DPP10: variants seen among roughly 807,000 people sequenced by gnomAD.
DPP10 encodes the protein inactive dipeptidyl peptidase 10.
A neutral mutation model predicts 120.9 loss-of-function variants in DPP10; 33 were observed. That is an observed-to-expected ratio of 0.27 (90% CI 0.21 to 0.37). The LOEUF (loss-of-function observed/expected upper bound fraction) is 0.37, where lower values mean the gene tolerates loss of function less well. Ranked by LOEUF, DPP10 falls within the 10% of genes least tolerant of loss-of-function variation. The pLI, the probability that DPP10 is intolerant of heterozygous loss-of-function variation, is 1.00. For synonymous variants in DPP10, 337 were observed against 326.1 expected, an observed-to-expected ratio of 1.03 and a Z score of -0.36; for missense variants, 816 against 942.8, an observed-to-expected ratio of 0.87 and a Z score of 1.76.
At chr2:115,065,364 T>C (rs779457077) in intron 1 of DPP10, among the ~76,000 whole-genome samples, 34 of 152,168 alleles carry the variant, frequency 2.2e-4, no homozygotes, top group Non-Finnish European at 4.0e-4. Flanking sequence ...GCCCATCTGT[T>C]CCAGTAATCA....
At chr2:115,428,829 A>G (rs185226128) in intron 3 of DPP10, among the ~76,000 whole-genome samples, 1 of 152,314 alleles carries the variant, frequency 6.6e-6, no homozygotes, top group East Asian at 1.9e-4. Flanking sequence ...AGACTGGGTT[A>G]TTTATAACCT....
chr2:114,937,172 A>T (rs1437814941), intron 1 of DPP10, among the ~76,000 whole-genome samples: 1 of 152,126 alleles, frequency 6.6e-6, no homozygotes, highest in African/African-American at 2.4e-5. Flanking sequence ...GCCTAAGCCA[A>T]TGTCTAGAAG....
intron 1 of DPP10, among the ~76,000 whole-genome samples, chr2:114,858,501 C>T (rs1689547553): frequency 6.6e-6 from 1 of 152,162 alleles, no homozygotes; most frequent in African/African-American, 2.4e-5. Context: ...TTCTCCTAGC[C>T]AACAGATTTC....
intron 1 of DPP10, chr2:115,144,859 C>T (rs981872991): frequency 2.0e-5 from 3 of 151,618 alleles, no homozygotes; most frequent in Middle Eastern, 3.2e-3. Flanking sequence ...AAGAACTCAC[C>T]CAGTGCAGCT....
chr2:114,543,728 A>C (rs2104819846), intron 1 of DPP10, among the ~76,000 whole-genome samples: 1 of 151,848 alleles, frequency 6.6e-6, no homozygotes, highest in African/African-American at 2.4e-5. Context: ...TGCTGCTTTT[A>C]AACATGGCTG....
chr2:114,895,229 T>G (rs927648802), intron 1 of DPP10, among the ~76,000 whole-genome samples: 10 of 152,188 alleles, frequency 6.6e-5, no homozygotes, highest in Non-Finnish European at 1.3e-4. Flanking sequence ...AAACGACGTG[T>G]GGATACAAAA....
intron 3 of DPP10, among the ~76,000 whole-genome samples, chr2:115,396,117 T>C (rs1449591930): frequency 6.6e-6 from 1 of 152,160 alleles, no homozygotes; most frequent in Non-Finnish European, 1.5e-5. Context: ...ATGTTTAAGA[T>C]CACATTCCAG....
chr2:114,547,071 C>T (rs1362955908), intron 1 of DPP10, among the ~76,000 whole-genome samples: 2 of 152,202 alleles, frequency 1.3e-5, no homozygotes, highest in Non-Finnish European at 2.9e-5. Flanking sequence ...GTGTATCAGC[C>T]CCGCATCATG....
chr2:115,827,686 C>G (rs1688517898), intron 21 of DPP10, among the ~76,000 whole-genome samples: 1 of 149,528 alleles, frequency 6.7e-6, no homozygotes, highest in South Asian at 2.1e-4. Context: ...ATCTCCACCT[C>G]CCGAGTTCAA....
chr2:115,486,268 C>T (rs979834433), intron 3 of DPP10, among the ~76,000 whole-genome samples: 2 of 150,868 alleles, frequency 1.3e-5, no homozygotes, highest in African/African-American at 4.8e-5. Flanking sequence ...TTTACTGGCA[C>T]TAGTAACATA....
intron 19 of DPP10, among the ~76,000 whole-genome samples, chr2:115,807,700 G>GC (rs1553515130): frequency 1.3e-5 from 2 of 150,794 alleles, no homozygotes; most frequent in Non-Finnish European, 2.9e-5. Flanking sequence ...ATAGAAGAGA[G>GC]AAAAAAGGGA....
intron 1 of DPP10, among the ~76,000 whole-genome samples, chr2:115,277,740 A>T (rs2059978677): frequency 6.6e-6 from 1 of 152,098 alleles, no homozygotes; most frequent in Non-Finnish European, 1.5e-5. Flanking sequence ...TTTCTTTCTA[A>T]ATAAATTAAA....
chr2:115,628,914 C>T (rs1472909931), intron 5 of DPP10, among the ~76,000 whole-genome samples: 6 of 151,886 alleles, frequency 4.0e-5, no homozygotes, highest in South Asian at 4.2e-4. Flanking sequence ...GTGCTGCACC[C>T]ATTAACTCGT....
At chr2:115,462,093 T>C (rs1322314532) in intron 3 of DPP10, among the ~76,000 whole-genome samples, 2 of 152,180 alleles carry the variant, frequency 1.3e-5, no homozygotes, top group Non-Finnish European at 2.9e-5. Context: ...CTTAACATGT[T>C]CAAAATTGAA....
intron 3 of DPP10, among the ~76,000 whole-genome samples, chr2:115,484,711 T>C (rs915263612): frequency 1.3e-5 from 2 of 152,122 alleles, no homozygotes; most frequent in South Asian, 2.1e-4. Flanking sequence ...ATGACAACAC[T>C]GAAGTATCTG....
chr2:114,743,724 G>T (rs995529513), intron 1 of DPP10, among the ~76,000 whole-genome samples: 2 of 152,106 alleles, frequency 1.3e-5, no homozygotes, highest in African/African-American at 4.8e-5. Flanking sequence ...TCTGTAAAAG[G>T]TGAGGTTGTA....
At chr2:115,174,766 T>C (rs2053585737) in intron 1 of DPP10, among the ~76,000 whole-genome samples, 2 of 152,210 alleles carry the variant, frequency 1.3e-5, no homozygotes, top group Admixed American at 6.5e-5. Context: ...ACACTTGATG[T>C]CACAGCCAAC....
intron 1 of DPP10, among the ~76,000 whole-genome samples, chr2:114,603,137 T>C (rs1047645595): frequency 6.6e-6 from 1 of 152,176 alleles, no homozygotes; most frequent in Admixed American, 6.5e-5. Flanking sequence ...AGTATAATCA[T>C]AGTCATTGTA....
At chr2:114,505,406 A>G (rs899012322) in intron 1 of DPP10, among the ~76,000 whole-genome samples, 3 of 151,588 alleles carry the variant, frequency 2.0e-5, no homozygotes, top group Non-Finnish European at 4.4e-5. Flanking sequence ...TGGTGATTAG[A>G]GTGTTCCTCT....
Sources: allele counts gnomAD v4.1 joint callset (sites outside exome capture counted in the v4.1 genomes callset), GRCh38; gene constraint gnomAD v4.1.1; transcripts MANE v1.5; gene names NCBI Gene and HGNC (gene_info 2026-07-23, HGNC 2026-07-21).